The following WARS2 variants were observed in gnomAD, a reference collection of about 807,000 sequenced individuals.
The protein encoded by WARS2 is tryptophan--tRNA ligase, mitochondrial.
A neutral mutation model predicts 36.5 loss-of-function variants in WARS2; 28 were observed. The observed-to-expected ratio is 0.77, with a 90% CI of 0.57 to 1.05. The LOEUF (loss-of-function observed/expected upper bound fraction) is 1.05, where lower values mean the gene tolerates loss of function less well. Ranked by LOEUF, WARS2 falls within the 50% of genes least tolerant of loss-of-function variation. The probability of loss-of-function intolerance (pLI) is 0.00; values close to 1 mark genes in which losing one functional copy is unlikely to be tolerated. For missense variants in WARS2, 435 were observed against 456.8 expected, an observed-to-expected ratio of 0.95 and a Z score of 0.44; for synonymous variants, 174 against 178.4, an observed-to-expected ratio of 0.98 and a Z score of 0.20.
At chr1:119,044,524 G>T (rs1648630828) in intron 3 of WARS2, among the ~76,000 whole-genome samples, 1 of 152,206 alleles carries the variant, frequency 6.6e-6, no homozygotes, top group African/African-American at 2.4e-5. Context: ...TATGTATTAA[G>T]TGTCTTAGTC....
intron 1 of WARS2, among the ~76,000 whole-genome samples, chr1:119,130,657 A>G (rs1656036594): frequency 6.6e-6 from 1 of 152,242 alleles, no homozygotes; most frequent in Non-Finnish European, 1.5e-5. Context: ...TTTAAGTTCA[A>G]CAATCTCCTT....
At chr1:119,055,397 G>A (rs1213381330) in intron 2 of WARS2, among the ~76,000 whole-genome samples, 1 of 152,140 alleles carries the variant, frequency 6.6e-6, no homozygotes, top group Non-Finnish European at 1.5e-5. Flanking sequence ...TGGATTATCT[G>A]AGGTCAGGAG....
At chr1:119,102,568 C>T (rs1012440519) in intron 1 of WARS2, among the ~76,000 whole-genome samples, 2 of 152,154 alleles carry the variant, frequency 1.3e-5, no homozygotes, top group African/African-American at 4.8e-5. Flanking sequence ...TAATCTTTAA[C>T]TCTTTATCAG....
intron 2 of WARS2, among the ~76,000 whole-genome samples, chr1:119,051,090 T>C (rs1325377705): frequency 1.3e-5 from 2 of 152,112 alleles, no homozygotes; most frequent in Non-Finnish European, 2.9e-5. Context: ...AGAGGTAAAC[T>C]CATGTCACAG....
In WARS2 at chr1:119,127,991, C is replaced by T. The variant is rs183424535; in HGVS notation, c.90+12564G>A. 2.0e-4 allele frequency among the ~76,000 whole-genome samples: 30 copies of T among 152,256 alleles called. No homozygotes were observed. The East Asian group carries it at 5.6e-3, about 28-fold the overall frequency. On this transcript the variant is annotated intron_variant, in intron 1 of 5. Transcript: ENST00000235521. ...TCACCTCTTCTCTCATTGTAACTAA[C>T]CTTCTGCACTAATAACTCTTCTAAA...
chr1:119,128,338 T>G (rs1209834936), intron 1 of WARS2, among the ~76,000 whole-genome samples: 1 of 152,188 alleles, frequency 6.6e-6, no homozygotes, highest in East Asian at 1.9e-4. Flanking sequence ...CCCAAAGTGC[T>G]GGGATTATAG....
intron 1 of WARS2, among the ~76,000 whole-genome samples, chr1:119,107,524 A>C (rs1654323481): frequency 6.6e-6 from 1 of 152,066 alleles, no homozygotes; most frequent in Non-Finnish European, 1.5e-5. Context: ...CATTTGATGA[A>C]GACTCTCTCT....
intron 1 of WARS2, among the ~76,000 whole-genome samples, chr1:119,130,156 G>C (rs1378656105): frequency 6.6e-6 from 1 of 151,670 alleles, no homozygotes; most frequent in Non-Finnish European, 1.5e-5. Context: ...AAAAAAAAAG[G>C]CAATGTCAAT....
At chr1:119,084,161 A>G (rs1405713985) in intron 1 of WARS2, among the ~76,000 whole-genome samples, 2 of 135,730 alleles carry the variant, frequency 1.5e-5, no homozygotes, top group East Asian at 4.4e-4. Context: ...GACTAGACGC[A>G]CACACAACTA....
rs587706921 is a variant in WARS2 at position 119,128,867 on chromosome 1, G to C, written c.90+11688C>G. Among the ~76,000 whole-genome samples the C allele has an allele frequency of 3.0e-4, 46 of 152,272 alleles. 1 individual carries two copies. Among genetic ancestry groups the C allele is most frequent in the African/African-American group, 9.6e-4 (40 of 41,550 alleles). ...AAAACCCTGCTAGTTAGATGGAAAAGAAAGACAAGAGGGCAAGCTGTGTCT... is the reference window on the plus strand; with the variant it reads ...AAAACCCTGCTAGTTAGATGGAAAACAAAGACAAGAGGGCAAGCTGTGTCT... On this transcript the variant is annotated intron_variant, in intron 1 of 5. Transcript: ENST00000235521.
intron 1 of WARS2, among the ~76,000 whole-genome samples, chr1:119,077,468 AT>A (rs964730077): frequency 8.5e-5 from 13 of 152,156 alleles, no homozygotes; most frequent in Non-Finnish European, 2.9e-5. Context: ...TTGCCTTAAG[AT>A]TTTTTTATAT....
intron 1 of WARS2, among the ~76,000 whole-genome samples, chr1:119,110,590 T>C (rs1041640815): frequency 1.3e-5 from 2 of 152,168 alleles, no homozygotes; most frequent in Non-Finnish European, 2.9e-5. Context: ...TTGAATATGA[T>C]ATGCCTAGGT....
At chr1:119,134,319 C>CAAAAAAAA (rs761321480) in intron 1 of WARS2, among the ~76,000 whole-genome samples, 67 of 65,740 alleles carry the variant, frequency 1.0e-3, no homozygotes, top group Non-Finnish European at 1.2e-3. Flanking sequence ...GGCAAAGGGG[C>CAAAAAAAA]AAAAAAAAAA....
At chr1:119,057,506 A>G (rs1467134242) in intron 2 of WARS2, among the ~76,000 whole-genome samples, 2 of 151,490 alleles carry the variant, frequency 1.3e-5, no homozygotes, top group African/African-American at 4.8e-5. Context: ...AAATATTAGC[A>G]TGGCCGAGCA....
In WARS2 at chr1:119,085,991, C is replaced by T. The variant is rs1289274264; in HGVS notation, c.91-9384G>A. The T allele has an allele frequency of 4.4e-6, 7 of 1,602,054 alleles. No individual in the cohort carries two copies. The East Asian group carries it at 1.6e-4, about 36-fold the overall frequency. Reference sequence around the variant, plus strand: ...CAAACTCAGCGTTCAGGTATCAGTGCCCAGGCAAGGCAGTGTGGCACATAC... The same window carrying T: ...CAAACTCAGCGTTCAGGTATCAGTGTCCAGGCAAGGCAGTGTGGCACATAC... On this transcript the variant is annotated intron_variant, in intron 1 of 5. Coordinates refer to ENST00000235521, the MANE Select transcript of WARS2 (RefSeq NM_015836.4).
intron 1 of WARS2, among the ~76,000 whole-genome samples, chr1:119,133,065 T>C (rs1656230895): frequency 6.6e-6 from 1 of 152,204 alleles, no homozygotes. Flanking sequence ...CCACCTCTCC[T>C]CTACCTGCAG....
chr1:119,042,571 T>G (rs904860760), intron 3 of WARS2, among the ~76,000 whole-genome samples: 1 of 152,156 alleles, frequency 6.6e-6, no homozygotes, highest in Non-Finnish European at 1.5e-5. Flanking sequence ...ATTTCATCAC[T>G]GCCCCTTTAA....
chr1:119,130,365 G>A (rs1030194371), intron 1 of WARS2, among the ~76,000 whole-genome samples: 13 of 152,088 alleles, frequency 8.5e-5, no homozygotes, highest in Non-Finnish European at 1.8e-4. Context: ...ATATACAGAT[G>A]TAACAAACCT....
intron 1 of WARS2, among the ~76,000 whole-genome samples, chr1:119,078,897 C>T (rs1219180966): frequency 6.7e-6 from 1 of 148,348 alleles, no homozygotes; most frequent in Non-Finnish European, 1.5e-5. Context: ...TGAAGGTGCA[C>T]GTGTGTGTGT....
Sources: allele counts gnomAD v4.1 joint callset (sites outside exome capture counted in the v4.1 genomes callset), GRCh38; gene constraint gnomAD v4.1.1; transcripts MANE v1.5; gene names NCBI Gene and HGNC (gene_info 2026-07-23, HGNC 2026-07-21).